PCNX2: variants seen among roughly 807,000 people sequenced by gnomAD.
PCNX2 encodes pecanex 2, also known as pecanex-like protein 2.
PCNX2 carries 168 observed loss-of-function variants against 223.8 expected under a neutral mutation model. The ratio of observed to expected loss-of-function variants is 0.75; its 90% CI spans 0.66 to 0.85. The LOEUF (loss-of-function observed/expected upper bound fraction) is 0.85, where lower values mean the gene tolerates loss of function less well. Among genes scored for constraint, PCNX2 ranks in the 40% least tolerant of loss-of-function variants. The pLI is 0.00. For synonymous variants in PCNX2, 1,006 were observed against 1,052.6 expected (o/e 0.96, Z 0.86); for missense variants, 2,507 against 2,675.5 (o/e 0.94, Z 1.39).
At chr1:233,255,462 T>G (rs1220062180) in intron 5 of PCNX2, among the ~76,000 whole-genome samples, 1 of 152,234 alleles carries the variant, frequency 6.6e-6, no homozygotes, top group Non-Finnish European at 1.5e-5. Flanking sequence ...TCCCTTGCTA[T>G]AAGCAAGCTC....
intron 15 of PCNX2, among the ~76,000 whole-genome samples, chr1:233,185,214 A>T (rs1465381409): frequency 6.6e-6 from 1 of 152,128 alleles, no homozygotes; most frequent in Non-Finnish European, 1.5e-5. Context: ...TTATCCCTTC[A>T]TATGCAGACT....
chr1:233,191,513 A>G (rs1256164674), intron 15 of PCNX2, among the ~76,000 whole-genome samples: 1 of 152,198 alleles, frequency 6.6e-6, no homozygotes, highest in South Asian at 2.1e-4. Context: ...TAAGTGTCCA[A>G]TAAAATATTC....
At chr1:233,124,394 T>G (rs781239395) in intron 21 of PCNX2, among the ~76,000 whole-genome samples, 17 of 152,230 alleles carry the variant, frequency 1.1e-4, no homozygotes, top group Non-Finnish European at 2.4e-4. Flanking sequence ...AAGTCCATTC[T>G]TCAGCGCAGT....
intron 17 of PCNX2, among the ~76,000 whole-genome samples, chr1:233,170,663 T>C (rs1679097657): frequency 6.6e-6 from 1 of 152,256 alleles, no homozygotes; most frequent in Non-Finnish European, 1.5e-5. Flanking sequence ...TTTCCATTAT[T>C]ATGACTCTAA....
At chr1:233,093,057 C>T (rs1249796741) in intron 22 of PCNX2, among the ~76,000 whole-genome samples, 2 of 152,120 alleles carry the variant, frequency 1.3e-5, no homozygotes, top group Non-Finnish European at 2.9e-5. Context: ...CCTTGGCCTC[C>T]CAAAGTGCTG....
chr1:233,162,604 A>G (rs1678561719), intron 17 of PCNX2, among the ~76,000 whole-genome samples: 1 of 152,230 alleles, frequency 6.6e-6, no homozygotes, highest in Non-Finnish European at 1.5e-5. Flanking sequence ...GCTTGTGATC[A>G]GAGAAATTCA....
chr1:233,318,963 C>T, the PCNX2 span, among the ~76,000 whole-genome samples: 122 of 152,236 alleles, frequency 8.0e-4, 2 homozygotes, highest in Middle Eastern at 6.8e-3. Flanking sequence ...GGGTGACCAG[C>T]CACCCCAAGA....
intron 19 of PCNX2, among the ~76,000 whole-genome samples, chr1:233,156,627 A>G (rs1210463849): frequency 6.6e-6 from 1 of 152,170 alleles, no homozygotes; most frequent in Non-Finnish European, 1.5e-5. Context: ...CCGATTTTAA[A>G]CAGACGTGGG....
intron 9 of PCNX2, among the ~76,000 whole-genome samples, chr1:233,229,924 GT>G (rs1309300393): frequency 6.6e-6 from 1 of 152,104 alleles, no homozygotes; most frequent in Non-Finnish European, 1.5e-5. Flanking sequence ...AGAGTTACAT[GT>G]TTTGGTGAGT....
At chr1:233,107,252 A>G (rs987181161) in intron 21 of PCNX2, among the ~76,000 whole-genome samples, 22 of 152,170 alleles carry the variant, frequency 1.4e-4, no homozygotes, top group Middle Eastern at 3.4e-3. Context: ...TGAATTAACA[A>G]GGTTGGGTGC....
At chr1:233,148,378 G>A (rs1438848557) in intron 19 of PCNX2, among the ~76,000 whole-genome samples, 1 of 151,448 alleles carries the variant, frequency 6.6e-6, no homozygotes, top group Admixed American at 6.6e-5. Flanking sequence ...TTGACTTCAG[G>A]TTCCATTAAC....
chr1:232,997,119 C>T (rs1385144642), intron 32 of PCNX2, among the ~76,000 whole-genome samples: 1 of 152,134 alleles, frequency 6.6e-6, no homozygotes, highest in Non-Finnish European at 1.5e-5. Context: ...TCCCCTATTG[C>T]CCATTCTTTC....
At chr1:233,272,399 A>G (rs998224657) in intron 1 of PCNX2, among the ~76,000 whole-genome samples, 2 of 152,222 alleles carry the variant, frequency 1.3e-5, no homozygotes, top group African/African-American at 2.4e-5. Context: ...AAAATGCTCA[A>G]CATCGCTAAT....
chr1:233,147,420 T>G (rs982132020), intron 19 of PCNX2, among the ~76,000 whole-genome samples: 12 of 152,038 alleles, frequency 7.9e-5, no homozygotes, highest in Non-Finnish European at 1.3e-4. Context: ...TGGATCACCA[T>G]AAAGGTCTTC....
At chr1:233,022,551 G>A (rs1356634383) in intron 26 of PCNX2, among the ~76,000 whole-genome samples, 1 of 152,082 alleles carries the variant, frequency 6.6e-6, no homozygotes, top group African/African-American at 2.4e-5. Context: ...CAAGCATGTG[G>A]GGCAGGGAGC....
At chr1:233,194,852 T>TA (rs1224472949) in intron 15 of PCNX2, among the ~76,000 whole-genome samples, 2 of 151,534 alleles carry the variant, frequency 1.3e-5, no homozygotes, top group African/African-American at 4.9e-5. Context: ...CCATCTCTAC[T>TA]AAAAAATACA....
chr1:233,306,324 A>C, the PCNX2 span, among the ~76,000 whole-genome samples: 116 of 152,366 alleles, frequency 7.6e-4, no homozygotes, highest in African/African-American at 2.6e-3. Context: ...AGAGACTTTA[A>C]TATCCTGACT....
intron 23 of PCNX2, among the ~76,000 whole-genome samples, chr1:233,082,357 G>A (rs1478839230): frequency 2.6e-5 from 4 of 152,096 alleles, no homozygotes; most frequent in East Asian, 3.9e-4. Context: ...AGGGCCCAAC[G>A]TACAACCTAA....
chr1:233,080,064 A>G (rs1304122329), intron 23 of PCNX2, among the ~76,000 whole-genome samples: 1 of 152,096 alleles, frequency 6.6e-6, no homozygotes, highest in Non-Finnish European at 1.5e-5. Context: ...GTGAAATGAA[A>G]TAGGAGGCAG....
Sources: allele counts gnomAD v4.1 joint callset (sites outside exome capture counted in the v4.1 genomes callset), GRCh38; gene constraint gnomAD v4.1.1; transcripts MANE v1.5; gene names NCBI Gene and HGNC (gene_info 2026-07-23, HGNC 2026-07-21).